Variants in PRCC observed in about 807,000 individuals in gnomAD.
PRCC encodes the protein proline-rich protein PRCC.
PRCC carries 10 observed loss-of-function variants against 44.0 expected under a neutral mutation model. That is an observed-to-expected ratio of 0.23 (90% CI 0.14 to 0.39). The LOEUF (loss-of-function observed/expected upper bound fraction) is 0.39. Ranked by LOEUF, PRCC falls within the 10% of genes least tolerant of loss-of-function variation. The probability of loss-of-function intolerance (pLI) is 1.00; values close to 1 mark genes in which losing one functional copy is unlikely to be tolerated. For missense variants in PRCC, 573 were observed against 624.7 expected, an observed-to-expected ratio of 0.92 and a Z score of 0.88; for synonymous variants, 278 against 259.5, an observed-to-expected ratio of 1.07 and a Z score of -0.69.
chr1:156,800,209 G>A (rs1337753223), intron 6 of PRCC, among the ~76,000 whole-genome samples, 165 bp from the exon 7 acceptor site: 1 of 152,068 alleles, frequency 6.6e-6, no homozygotes, highest in Admixed American at 6.5e-5. Context: ...TTGCTTTCTT[G>A]GGGCCTTTCC....
chr1:156,778,264 T>C (rs959470036), intron 1 of PRCC, among the ~76,000 whole-genome samples: 1 of 152,192 alleles, frequency 6.6e-6, no homozygotes. Context: ...ATTCTACATG[T>C]AAGTGAGAAC....
intron 1 of PRCC, among the ~76,000 whole-genome samples, chr1:156,781,418 C>T (rs996497140): frequency 4.6e-5 from 7 of 152,140 alleles, no homozygotes; most frequent in African/African-American, 1.7e-4. Context: ...TTTTTATTTG[C>T]AGATATCCAA....
intron 2 of PRCC, among the ~76,000 whole-genome samples, chr1:156,783,949 T>TA (rs1241450220): frequency 6.7e-6 from 1 of 149,238 alleles, no homozygotes; most frequent in East Asian, 2.0e-4. Flanking sequence ...TTTATTTAAT[T>TA]TTTTTTTTTT....
chr1:156,779,105 T>A (rs1314309374), intron 1 of PRCC, among the ~76,000 whole-genome samples: 1 of 18,700 alleles, frequency 5.3e-5, no homozygotes, highest in African/African-American at 2.0e-4. Flanking sequence ...GGCCGGGTAA[T>A]ATATATATAT....
chr1:156,793,783 C>T (rs1375258200), intron 4 of PRCC, among the ~76,000 whole-genome samples: 2 of 151,980 alleles, frequency 1.3e-5, no homozygotes, highest in South Asian at 2.1e-4. Flanking sequence ...CTCACCACCA[C>T]ACCCGGCTAA....
chr1:156,769,163 G>C (rs1408586144), intron 1 of PRCC, among the ~76,000 whole-genome samples: 1 of 152,192 alleles, frequency 6.6e-6, no homozygotes, highest in East Asian at 1.9e-4. Flanking sequence ...CAGACTCCCA[G>C]CTCTGCCTAG....
chr1:156,767,880 G>A lies in PRCC; in HGVS notation c.109G>A (p.Gly37Ser), dbSNP rs1200833484. The A allele has an allele frequency of 5.6e-6, 9 of 1,605,484 alleles. No individual in the cohort carries two copies. The highest frequency in any genetic ancestry group is 2.2e-5 in the East Asian group (1 of 44,604). The change falls in exon 1 of 7, where the codon GGC becomes AGC. Residue 37 changes from glycine (G) to serine (S), a missense_variant. Gly to Ser is a moderately conservative substitution (Grantham distance 56). Coordinates refer to ENST00000271526, the MANE Select transcript of PRCC (RefSeq NM_005973.5). Reference protein sequence around the residue: ...VAPTSGPALGGLFASLPAPKG... With the variant: ...VAPTSGPALGSLFASLPAPKG... ...TCCTACATCTGGGCCCGCTTTAGGG[G>A]GCTTGTTCGCTTCTCTCCCTGCGCC...
In PRCC at chr1:156,767,770, C is replaced by T. The variant is rs763003323; in HGVS notation, c.-2C>T. ...AAGGGCGCCCGAAACGCGGGAGGCGCCATGTCGCTGGTTGCTTACGCCAGC... is the reference window on the plus strand; with the variant it reads ...AAGGGCGCCCGAAACGCGGGAGGCGTCATGTCGCTGGTTGCTTACGCCAGC... On this transcript the variant is annotated 5_prime_UTR_variant, in exon 1 of 7. Transcript: ENST00000271526. The T allele has an allele frequency of 2.1e-5, 33 of 1,594,620 alleles. No homozygotes were observed. The highest frequency in any genetic ancestry group is 2.7e-5 in the Non-Finnish European group (32 of 1,172,316).
At chr1:156,783,486 G>T (rs991372600) in intron 2 of PRCC, among the ~76,000 whole-genome samples, 2 of 152,062 alleles carry the variant, frequency 1.3e-5, no homozygotes, top group African/African-American at 4.8e-5. Context: ...GGTGGCTCAT[G>T]CCTGTAATCC....
At chr1:156,785,511 C>CA (rs879319606) in intron 2 of PRCC, among the ~76,000 whole-genome samples, 74 of 136,936 alleles carry the variant, frequency 5.4e-4, no homozygotes, top group South Asian at 1.9e-3. Flanking sequence ...AGACTCCGAC[C>CA]AAAAAAAAAA....
intron 3 of PRCC, among the ~76,000 whole-genome samples, chr1:156,790,257 T>A (rs1025469424): frequency 6.6e-6 from 1 of 152,288 alleles, no homozygotes; most frequent in African/African-American, 2.4e-5. Context: ...AAATCTTTGC[T>A]GTTAAGCCTT....
In PRCC at chr1:156,768,059, G is replaced by T; in HGVS notation, c.288G>T (p.Val96=). The stretch of plus-strand genomic sequence containing the variant: ...GAGGCTTCCCCCCACCTCCAGGCGT[G>T]AGCCCGGCTGAAGCGGCGGGAGTTG... ...GLGGFPPPPG[V]SPAEAAGVGE... is the part of the protein sequence containing the mutation. The change falls in exon 1 of 7, where the codon GTG becomes GTT. Residue 96 remains valine (V), a synonymous_variant. Transcript: ENST00000271526. 1 of 1,590,190 alleles carries T rather than the reference G, an allele frequency of 6.3e-7. No individual in the cohort carries two copies. The highest frequency in any genetic ancestry group is 1.1e-5 in the South Asian group (1 of 87,944).
chr1:156,770,895 C>T (rs1195572048), intron 1 of PRCC, among the ~76,000 whole-genome samples: 2 of 152,170 alleles, frequency 1.3e-5, no homozygotes, highest in Non-Finnish European at 2.9e-5. Flanking sequence ...TTCTTTGTAC[C>T]TGGAGCTAAG....
chr1:156,775,533 CAG>C (rs1454807243), intron 1 of PRCC, among the ~76,000 whole-genome samples: 1 of 143,410 alleles, frequency 7.0e-6, no homozygotes, highest in East Asian at 2.2e-4. Context: ...TTTTTTGAGA[CAG>C]AGTCTCGCTC....
chr1:156,779,128 A>ATATAT (rs1651947127), intron 1 of PRCC, among the ~76,000 whole-genome samples: 3 of 35,882 alleles, frequency 8.4e-5, no homozygotes, highest in Non-Finnish European at 1.3e-4. Flanking sequence ...ATATATATAT[A>ATATAT]TTTTTTTTTT....
chr1:156,785,006 C>T (rs1222501914), intron 2 of PRCC, among the ~76,000 whole-genome samples: 1 of 146,822 alleles, frequency 6.8e-6, no homozygotes, highest in Non-Finnish European at 1.5e-5. Context: ...TAAAAAAATA[C>T]AGCATATATA....
chr1:156,775,591 A>G (rs1651798951), intron 1 of PRCC, among the ~76,000 whole-genome samples: 2 of 150,882 alleles, frequency 1.3e-5, no homozygotes, highest in South Asian at 2.1e-4. Flanking sequence ...GCTCACTGCA[A>G]CCGCCGCCTC....
chr1:156,795,088 C>T (rs1652610872), intron 5 of PRCC, among the ~76,000 whole-genome samples: 1 of 152,124 alleles, frequency 6.6e-6, no homozygotes, highest in African/African-American at 2.4e-5. Flanking sequence ...GGCTTCTTCT[C>T]AGGCTGCACA....
At chr1:156,798,499 CTT>C (rs1652738647) in intron 6 of PRCC, among the ~76,000 whole-genome samples, 1 of 152,180 alleles carries the variant, frequency 6.6e-6, no homozygotes, top group Admixed American at 6.5e-5. Context: ...AATGTCATGA[CTT>C]TTCTCTGCTG....
Sources: allele counts gnomAD v4.1 joint callset (sites outside exome capture counted in the v4.1 genomes callset), GRCh38; gene constraint gnomAD v4.1.1; transcripts MANE v1.5; gene names NCBI Gene and HGNC (gene_info 2026-07-23, HGNC 2026-07-21).